Variants in CNTNAP2 observed in about 807,000 individuals in gnomAD.
CNTNAP2 encodes contactin-associated protein-like 2.
A neutral mutation model predicts 155.2 loss-of-function variants in CNTNAP2; 98 were observed. The ratio of observed to expected loss-of-function variants is 0.63; its 90% CI spans 0.54 to 0.75. The LOEUF (loss-of-function observed/expected upper bound fraction) is 0.75. Ranked by LOEUF, CNTNAP2 falls within the 30% of genes least tolerant of loss-of-function variation. The probability of loss-of-function intolerance (pLI) is 0.00; values close to 1 mark genes in which losing one functional copy is unlikely to be tolerated. For synonymous variants in CNTNAP2, 651 were observed against 631.2 expected, an observed-to-expected ratio of 1.03 and a Z score of -0.47; for missense variants, 1,727 against 1,688.1, an observed-to-expected ratio of 1.02 and a Z score of -0.40.
intron 8 of CNTNAP2, among the ~76,000 whole-genome samples, chr7:147,276,831 A>C (rs80236167): frequency 8.3e-6 from 1 of 121,202 alleles, no homozygotes; most frequent in African/African-American, 3.2e-5. Context: ...TTCAATTGAC[A>C]AAAAAAAAAC....
intron 4 of CNTNAP2, among the ~76,000 whole-genome samples, chr7:147,066,306 C>T (rs769797922): frequency 4.6e-5 from 7 of 152,152 alleles, no homozygotes; most frequent in African/African-American, 1.4e-4. Context: ...AGACATCATA[C>T]GACAGACTAC....
chr7:148,334,323 C>A (rs1223129664), intron 21 of CNTNAP2, among the ~76,000 whole-genome samples: 1 of 152,090 alleles, frequency 6.6e-6, no homozygotes, highest in Non-Finnish European at 1.5e-5. Flanking sequence ...AGTTCACTCT[C>A]GGGGCTGAAG....
intron 8 of CNTNAP2, among the ~76,000 whole-genome samples, chr7:147,228,721 T>C (rs1278289315): frequency 1.3e-5 from 2 of 152,146 alleles, no homozygotes; most frequent in Non-Finnish European, 2.9e-5. Context: ...GTTTGTTACG[T>C]AGGTATACAC....
chr7:147,322,380 T>C (rs1185095498), intron 9 of CNTNAP2, among the ~76,000 whole-genome samples: 3 of 152,234 alleles, frequency 2.0e-5, no homozygotes, highest in African/African-American at 7.2e-5. Flanking sequence ...ATATTATCTG[T>C]GAATTTGATT....
intron 1 of CNTNAP2, among the ~76,000 whole-genome samples, chr7:146,618,157 G>A (rs776272130): frequency 6.6e-6 from 1 of 152,108 alleles, no homozygotes; most frequent in Non-Finnish European, 1.5e-5. Context: ...CTCACTGAAC[G>A]TTCAATTACT....
At chr7:148,222,044 T>C (rs1343205687) in intron 19 of CNTNAP2, among the ~76,000 whole-genome samples, 1 of 152,232 alleles carries the variant, frequency 6.6e-6, no homozygotes, top group Non-Finnish European at 1.5e-5. Flanking sequence ...CTTCTTCATG[T>C]CTGCCACGGT....
intron 1 of CNTNAP2, among the ~76,000 whole-genome samples, chr7:146,387,354 G>A (rs887136346): frequency 6.6e-6 from 1 of 152,034 alleles, no homozygotes; most frequent in Non-Finnish European, 1.5e-5. Flanking sequence ...CCTGCCCCAG[G>A]TGACTCACAG....
chr7:146,167,391 A>T (rs1798327698), intron 1 of CNTNAP2, among the ~76,000 whole-genome samples: 1 of 152,230 alleles, frequency 6.6e-6, no homozygotes, highest in Admixed American at 6.5e-5. Context: ...ACTTCAGCTG[A>T]AAGTTGAAGA....
intron 3 of CNTNAP2, among the ~76,000 whole-genome samples, chr7:146,918,006 T>G (rs1796428584): frequency 6.6e-6 from 1 of 152,188 alleles, no homozygotes; most frequent in Non-Finnish European, 1.5e-5. Context: ...GATAACCCAG[T>G]GCTCTTTTGG....
chr7:147,426,541 T>C (rs780913983), intron 10 of CNTNAP2, among the ~76,000 whole-genome samples: 1 of 152,180 alleles, frequency 6.6e-6, no homozygotes, highest in Non-Finnish European at 1.5e-5. Context: ...AGTTTGTACT[T>C]TTTCTAATGT....
intron 2 of CNTNAP2, among the ~76,000 whole-genome samples, chr7:146,803,482 C>A (rs1002185978): frequency 4.9e-4 from 75 of 152,212 alleles, no homozygotes; most frequent in African/African-American, 1.7e-3. Context: ...GATCACGGGC[C>A]AATCATGACA....
chr7:147,037,119 C>T lies in CNTNAP2; in HGVS notation c.403-6788C>T, dbSNP rs528751585. On this transcript the variant is annotated intron_variant, in intron 3 of 23. Coordinates refer to ENST00000361727, the MANE Select transcript of CNTNAP2 (RefSeq NM_014141.6). ...TGATTTAGGTAAATGTGTGAGAAAA[C>T]ATAATATTATTGATTTTGTAAAAAT... Among the ~76,000 whole-genome samples the T allele has an allele frequency of 2.8e-4, 42 of 151,896 alleles. No individual in the cohort carries two copies. The South Asian group carries it at 8.7e-3, about 32-fold the overall frequency.
chr7:147,197,220 A>T (rs1802822407), intron 8 of CNTNAP2, among the ~76,000 whole-genome samples: 1 of 152,090 alleles, frequency 6.6e-6, no homozygotes, highest in South Asian at 2.1e-4. Context: ...TGCACAGGCC[A>T]CTACTTCATT....
intron 1 of CNTNAP2, among the ~76,000 whole-genome samples, chr7:146,232,648 A>G (rs1033524898): frequency 6.6e-6 from 1 of 152,192 alleles, no homozygotes; most frequent in African/African-American, 2.4e-5. Flanking sequence ...AAATCAAGGT[A>G]TAGACTTGTT....
At chr7:147,997,963 A>G (rs1422979683) in intron 15 of CNTNAP2, among the ~76,000 whole-genome samples, 2 of 152,210 alleles carry the variant, frequency 1.3e-5, no homozygotes, top group African/African-American at 2.4e-5. Flanking sequence ...CAAAGTGCGC[A>G]TACTCTCTAC....
intron 1 of CNTNAP2, among the ~76,000 whole-genome samples, chr7:146,738,414 C>T (rs1324233239): frequency 6.6e-6 from 1 of 151,756 alleles, no homozygotes; most frequent in Non-Finnish European, 1.5e-5. Context: ...GAATGTTAAC[C>T]TTTTATCAGA....
At chr7:146,360,394 A>T (rs554249924) in intron 1 of CNTNAP2, among the ~76,000 whole-genome samples, 1 of 152,362 alleles carries the variant, frequency 6.6e-6, no homozygotes, top group African/African-American at 2.4e-5. Context: ...CTGTGTAAAA[A>T]CGTCACAAGG....
intron 1 of CNTNAP2, among the ~76,000 whole-genome samples, chr7:146,189,622 A>G (rs957035119): frequency 6.6e-6 from 1 of 152,208 alleles, no homozygotes; most frequent in African/African-American, 2.4e-5. Context: ...ATTGTCAAAG[A>G]GAAAGTTAAA....
chr7:146,966,151 C>A (rs1443621135), intron 3 of CNTNAP2, among the ~76,000 whole-genome samples: 1 of 152,200 alleles, frequency 6.6e-6, no homozygotes, highest in Non-Finnish European at 1.5e-5. Flanking sequence ...CTGTACGCAA[C>A]TTCTACTTTA....
Sources: gnomAD v4.1 joint callset for allele counts (sites outside exome capture counted in the v4.1 genomes callset) on GRCh38, gnomAD v4.1.1 for gene constraint, MANE v1.5 for transcripts, NCBI Gene and HGNC (gene_info 2026-07-23, HGNC 2026-07-21) for gene names.